The following SLIT3 variants were observed in gnomAD, a reference collection of about 807,000 sequenced individuals.
SLIT3 encodes the protein slit homolog 3 protein.
SLIT3 carries 68 observed loss-of-function variants against 184.0 expected under a neutral mutation model. That is an observed-to-expected ratio of 0.37 (90% CI 0.30 to 0.45). The LOEUF (loss-of-function observed/expected upper bound fraction) is 0.45. SLIT3 is among the 20% of genes least tolerant of loss of function. SLIT3 has a pLI of 1.00. For missense variants in SLIT3, 1,707 were observed against 2,026.0 expected (o/e 0.84, Z 3.02); for synonymous variants, 831 against 828.6 (o/e 1.00, Z -0.05).
At chr5:168,787,596 T>C (rs1756202230) in intron 11 of SLIT3, among the ~76,000 whole-genome samples, 1 of 152,218 alleles carries the variant, frequency 6.6e-6, no homozygotes, top group Admixed American at 6.5e-5. Flanking sequence ...CGCTTATCTT[T>C]ATGTCACATT....
At chr5:169,174,705 T>C (rs190352026) in intron 4 of SLIT3, among the ~76,000 whole-genome samples, 23 of 152,228 alleles carry the variant, frequency 1.5e-4, no homozygotes, top group East Asian at 1.2e-3. Flanking sequence ...TCTAAGAGTA[T>C]GTCACAATCT....
intron 7 of SLIT3, among the ~76,000 whole-genome samples, chr5:168,817,906 C>T (rs1335698973): frequency 6.6e-6 from 1 of 152,112 alleles, no homozygotes. Flanking sequence ...CGACATGCAG[C>T]TGAGAGACGC....
chr5:169,189,488 G>GCAAAGT (rs1260859198), intron 4 of SLIT3, among the ~76,000 whole-genome samples: 2 of 133,860 alleles, frequency 1.5e-5, no homozygotes, highest in Non-Finnish European at 3.1e-5. Context: ...AAGCATTGAG[G>GCAAAGT]CAAAGTGCCC....
intron 4 of SLIT3, among the ~76,000 whole-genome samples, chr5:168,955,214 C>T (rs1038071068): frequency 6.6e-6 from 1 of 152,208 alleles, no homozygotes; most frequent in Non-Finnish European, 1.5e-5. Flanking sequence ...GTCTGAATGG[C>T]TGCTTAGACT....
intron 4 of SLIT3, among the ~76,000 whole-genome samples, chr5:168,983,091 C>A (rs1019280244): frequency 6.6e-6 from 1 of 152,156 alleles, no homozygotes; most frequent in Non-Finnish European, 1.5e-5. Context: ...ATACTGCTGA[C>A]CTGAAGACCT....
intron 4 of SLIT3, among the ~76,000 whole-genome samples, chr5:169,053,618 T>C (rs1441618573): frequency 1.3e-5 from 2 of 152,166 alleles, no homozygotes; most frequent in African/African-American, 2.4e-5. Flanking sequence ...TAGATTACCC[T>C]CTCTCCTTTA....
At chr5:169,098,239 A>C (rs1010410634) in intron 4 of SLIT3, among the ~76,000 whole-genome samples, 4 of 152,164 alleles carry the variant, frequency 2.6e-5, no homozygotes, top group African/African-American at 9.7e-5. Context: ...CCAAATGACC[A>C]AGTGTCTTTC....
intron 3 of SLIT3, among the ~76,000 whole-genome samples, chr5:169,240,763 CTGTT>C (rs1368075645): frequency 1.3e-5 from 2 of 150,974 alleles, no homozygotes; most frequent in African/African-American, 2.4e-5. Flanking sequence ...TATCATCTTT[CTGTT>C]TGTTGTCTAT....
intron 31 of SLIT3, 85 bp from the exon 32 acceptor site, chr5:168,684,181 C>A: frequency 7.4e-7 from 1 of 1,344,662 alleles, no homozygotes; most frequent in East Asian, 2.6e-5. Flanking sequence ...CTCTTCCAGG[C>A]AGCAGCTTCT....
chr5:168,806,365 T>C (rs763824013), intron 9 of SLIT3, 81 bp downstream of exon 9: 1 of 1,500,390 alleles, frequency 6.7e-7, no homozygotes, highest in Non-Finnish European at 9.2e-7. Flanking sequence ...CACACGCTGA[T>C]GGCCTAGTGG....
chr5:168,729,222 G>A lies in SLIT3; in HGVS notation c.2271-4738C>T, dbSNP rs543691972. Among the ~76,000 whole-genome samples, 4 of 152,196 alleles carry A rather than the reference G, an allele frequency of 2.6e-5. No individual in the cohort carries two copies. In the East Asian group the frequency reaches 5.8e-4, roughly 22 times the overall value. The stretch of plus-strand genomic sequence containing the variant: ...ATCAAAAAGTTTAGAAAACATATTT[G>A]AGAAAGTAATTGATGAAAATTTCCC... On this transcript the variant is annotated intron_variant, in intron 20 of 35. Transcript: ENST00000519560.
chr5:168,977,250 A>G (rs1754796856), intron 4 of SLIT3, among the ~76,000 whole-genome samples: 1 of 152,194 alleles, frequency 6.6e-6, no homozygotes, highest in Admixed American at 6.5e-5. Context: ...GCAAGAGAAG[A>G]GAGCACCATC....
intron 5 of SLIT3, among the ~76,000 whole-genome samples, chr5:168,872,721 C>T (rs1759577827): frequency 6.7e-6 from 1 of 149,148 alleles, no homozygotes; most frequent in Non-Finnish European, 1.5e-5. Flanking sequence ...TCACTACAAC[C>T]TCTGCCTCCC....
At chr5:168,965,616 T>C (rs1467937922) in intron 4 of SLIT3, among the ~76,000 whole-genome samples, 1 of 152,238 alleles carries the variant, frequency 6.6e-6, no homozygotes, top group African/African-American at 2.4e-5. Flanking sequence ...ATGAACTTCA[T>C]GCCAACAGCA....
intron 4 of SLIT3, among the ~76,000 whole-genome samples, chr5:169,176,772 C>T (rs1057488941): frequency 6.6e-5 from 10 of 152,164 alleles, no homozygotes; most frequent in Admixed American, 6.5e-5. Flanking sequence ...TTTACAATAG[C>T]AGGTGGCAGT....
chr5:169,083,090 A>G (rs899506429), intron 4 of SLIT3, among the ~76,000 whole-genome samples: 16 of 152,316 alleles, frequency 1.1e-4, no homozygotes, highest in Admixed American at 9.2e-4. Flanking sequence ...AAGAAACATC[A>G]TTACTCAACA....
chr5:169,088,643 T>C (rs908934614), intron 4 of SLIT3, among the ~76,000 whole-genome samples: 2 of 152,054 alleles, frequency 1.3e-5, no homozygotes, highest in East Asian at 1.9e-4. Context: ...GAGAATCAGA[T>C]TGAGCACTGG....
chr5:168,754,094 G>A, intron 16 of SLIT3, 87 bp from the exon 17 acceptor site: 2 of 1,411,998 alleles, frequency 1.4e-6, no homozygotes, highest in Non-Finnish European at 1.9e-6. Context: ...GCAGCTGCTG[G>A]GGACTCTCTG....
intron 1 of SLIT3, among the ~76,000 whole-genome samples, chr5:169,261,145 CA>C (rs1766159494): frequency 6.6e-6 from 1 of 152,164 alleles, no homozygotes; most frequent in South Asian, 2.1e-4. Flanking sequence ...GAGGCATAAA[CA>C]AAAGCTTACA....
Sources: gnomAD v4.1 joint callset for allele counts (sites outside exome capture counted in the v4.1 genomes callset) on GRCh38, gnomAD v4.1.1 for gene constraint, MANE v1.5 for transcripts, NCBI Gene and HGNC (gene_info 2026-07-23, HGNC 2026-07-21) for gene names.